Variants in XPO4 observed in about 807,000 individuals in gnomAD.
The protein encoded by XPO4 is exportin 4.
In XPO4, 39 loss-of-function variants were observed where a neutral mutation model predicts 143.0. The ratio of observed to expected loss-of-function variants is 0.27; its 90% confidence interval spans 0.21 to 0.36. XPO4 has a LOEUF of 0.36. XPO4 is among the 10% of genes least tolerant of loss of function. The probability of loss-of-function intolerance (pLI) is 1.00; values close to 1 mark genes in which losing one functional copy is unlikely to be tolerated. For missense variants in XPO4, 907 were observed against 1,348.0 expected (o/e 0.67, Z 5.12); for synonymous variants, 439 against 474.0 (o/e 0.93, Z 0.96).
At chr13:20,831,802 TG>T (rs1260155281) in intron 6 of XPO4, among the ~76,000 whole-genome samples, 1 of 127,742 alleles carries the variant, frequency 7.8e-6, no homozygotes, top group African/African-American at 2.9e-5. Flanking sequence ...TTTAGTACAG[TG>T]ATTTTTTTTT....
intron 1 of XPO4, among the ~76,000 whole-genome samples, chr13:20,874,769 G>A (rs184533249): frequency 1.3e-5 from 2 of 152,224 alleles, no homozygotes; most frequent in East Asian, 3.9e-4. Flanking sequence ...CGAGGCGGGT[G>A]ATCACCTGAG....
At chr13:20,819,229 C>CT (rs1566582187) in intron 9 of XPO4, among the ~76,000 whole-genome samples, 1 of 152,194 alleles carries the variant, frequency 6.6e-6, no homozygotes, top group African/African-American at 2.4e-5. Context: ...AGTGAAGCAG[C>CT]TTGCTTGAAC....
chr13:20,881,843 C>A (rs1465359905), intron 1 of XPO4, among the ~76,000 whole-genome samples: 1 of 151,926 alleles, frequency 6.6e-6, no homozygotes, highest in East Asian at 1.9e-4. Context: ...CACAGTAGCT[C>A]ACACCTGTAA....
chr13:20,823,594 A>C (rs1394081961), intron 7 of XPO4, among the ~76,000 whole-genome samples: 2 of 144,406 alleles, frequency 1.4e-5, no homozygotes, highest in African/African-American at 2.5e-5. Context: ...CCATTTTTGT[A>C]TGGTTGGGGG....
At chr13:20,880,629 A>G (rs181318800) in intron 1 of XPO4, among the ~76,000 whole-genome samples, 36 of 152,336 alleles carry the variant, frequency 2.4e-4, no homozygotes, top group African/African-American at 8.2e-4. Flanking sequence ...AAAACATTGT[A>G]TATTCACACA....
intron 22 of XPO4, 131 bp from the exon 23 acceptor site, chr13:20,784,050 A>T: frequency 1.2e-6 from 1 of 832,600 alleles, no homozygotes; most frequent in Non-Finnish European, 1.9e-6. Context: ...AGAATAATTC[A>T]GCATTTAAGT....
intron 4 of XPO4, among the ~76,000 whole-genome samples, chr13:20,854,784 AG>A (rs1335084119): frequency 6.6e-6 from 1 of 152,178 alleles, no homozygotes. Context: ...GCTCTCTAAA[AG>A]GTGGACAGGA....
intron 1 of XPO4, among the ~76,000 whole-genome samples, chr13:20,878,101 T>C (rs1196073928): frequency 6.6e-6 from 1 of 152,012 alleles, no homozygotes; most frequent in Non-Finnish European, 1.5e-5. Flanking sequence ...AGAAGCTAAG[T>C]TGGGAGAATC....
chr13:20,855,605 T>A lies in XPO4; in HGVS notation c.456+22A>T, dbSNP rs761509282. On this transcript the variant is annotated intron_variant, in intron 4 of 22. Coordinates refer to ENST00000255305, the MANE Select transcript of XPO4 (RefSeq NM_022459.5). Reference sequence around the variant, plus strand: ...AGAAAATATAAATTGTTAATATTTATAAATACAAATAGCACACTTACCACA... The same window carrying A: ...AGAAAATATAAATTGTTAATATTTAAAAATACAAATAGCACACTTACCACA... The A allele has an allele frequency of 5.9e-6, 9 of 1,523,144 alleles. No individual in the cohort carries two copies. The South Asian group carries it at 1.1e-4, about 18-fold the overall frequency. The allele number at this position is 1,523,144 out of a possible 1,614,324, so 94.4% of individuals were successfully genotyped here.
Position 20,808,591 on chromosome 13 carries a change from A to T in XPO4, c.1494-10T>A. ...TCTTTCTTCTAATAAACTAAAAGAG[A>T]AGAAAACAGTAGCTTCATAAAGTTC... On this transcript the variant is annotated splice_polypyrimidine_tract_variant and intron_variant, in intron 11 of 22. Coordinates refer to ENST00000255305, the MANE Select transcript of XPO4 (RefSeq NM_022459.5). 9.8e-6 allele frequency: 15 copies of T among 1,533,938 alleles called. No individual in the cohort carries two copies. The highest frequency in any genetic ancestry group is 1.3e-5 in the Non-Finnish European group (15 of 1,127,508).
intron 22 of XPO4, among the ~76,000 whole-genome samples, chr13:20,785,852 G>C (rs1295239117): frequency 7.0e-6 from 1 of 142,488 alleles, no homozygotes; most frequent in Non-Finnish European, 1.5e-5. Context: ...GAGGGTGGAA[G>C]GGAACGGGGG....
At chr13:20,839,752 G>A (rs946868011) in intron 6 of XPO4, among the ~76,000 whole-genome samples, 2 of 152,286 alleles carry the variant, frequency 1.3e-5, no homozygotes, top group South Asian at 4.1e-4. Flanking sequence ...GCAGGCCAAG[G>A]TGGGTGGATC....
chr13:20,898,527 T>C (rs1367478203), intron 1 of XPO4, among the ~76,000 whole-genome samples: 1 of 152,030 alleles, frequency 6.6e-6, no homozygotes, highest in Non-Finnish European at 1.5e-5. Flanking sequence ...ATTGTGCCAT[T>C]GCACTCCAGC....
At chr13:20,884,951 TTTG>T (rs1431220658) in intron 1 of XPO4, among the ~76,000 whole-genome samples, 2 of 151,900 alleles carry the variant, frequency 1.3e-5, no homozygotes, top group Non-Finnish European at 2.9e-5. Flanking sequence ...GTTTTTTTGG[TTTG>T]TTTTTTTGTT....
At chr13:20,855,528 A>T in intron 4 of XPO4, 99 bp downstream of exon 4, 1 of 1,185,818 alleles carries the variant, frequency 8.4e-7, no homozygotes, top group Non-Finnish European at 1.1e-6. Flanking sequence ...TAGCTTTTTC[A>T]CTATTTTTAT....
chr13:20,837,345 T>C (rs1255462682), intron 6 of XPO4, among the ~76,000 whole-genome samples: 2 of 152,164 alleles, frequency 1.3e-5, no homozygotes, highest in Non-Finnish European at 2.9e-5. Flanking sequence ...GTATACAAAA[T>C]TGTTCCTAGT....
At chr13:20,810,040 C>A in intron 9 of XPO4, 73 bp from the exon 10 acceptor site, 1 of 1,249,800 alleles carries the variant, frequency 8.0e-7, no homozygotes, top group Non-Finnish European at 1.1e-6. Flanking sequence ...CATATAAATA[C>A]ATACAAATAG....
intron 7 of XPO4, among the ~76,000 whole-genome samples, 190 bp from the exon 8 acceptor site, chr13:20,822,479 T>C (rs1324390524): frequency 6.6e-6 from 1 of 152,210 alleles, no homozygotes; most frequent in Non-Finnish European, 1.5e-5. Context: ...ATTTTAAACA[T>C]ATCAATTGAT....
chr13:20,902,562 C>T (rs966856296), intron 1 of XPO4, 108 bp downstream of exon 1: 32 of 1,330,872 alleles, frequency 2.4e-5, no homozygotes, highest in Non-Finnish European at 2.7e-5. Flanking sequence ...CTTCCAGGCT[C>T]CCTGCAGGCC....
Sources: allele counts gnomAD v4.1 joint callset (sites outside exome capture counted in the v4.1 genomes callset), GRCh38; gene constraint gnomAD v4.1.1; transcripts MANE v1.5; gene names NCBI Gene and HGNC (gene_info 2026-07-23, HGNC 2026-07-21).